The following LINGO1 variants were observed in gnomAD, a reference collection of about 807,000 sequenced individuals.
The protein encoded by LINGO1 is leucine-rich repeat and immunoglobulin-like domain-containing nogo receptor-interacting protein 1.
LINGO1 carries 11 observed loss-of-function variants against 37.3 expected under a neutral mutation model. The observed-to-expected ratio is 0.29, with a 90% CI of 0.19 to 0.49. The LOEUF (loss-of-function observed/expected upper bound fraction) is 0.49. LINGO1 is among the 20% of genes least tolerant of loss of function. LINGO1 has a pLI of 0.99. For synonymous variants in LINGO1, 387 were observed against 403.0 expected, an observed-to-expected ratio of 0.96 and a Z score of 0.48; for missense variants, 585 against 878.2, an observed-to-expected ratio of 0.67 and a Z score of 4.22.
intron 2 of LINGO1, among the ~76,000 whole-genome samples, chr15:77,728,103 C>A (rs577188988): frequency 5.3e-5 from 8 of 152,366 alleles, no homozygotes; most frequent in Admixed American, 2.6e-4. Flanking sequence ...TCTCCTCCCC[C>A]AGTCCAGGCC....
At chr15:77,695,258 A>AAG (rs1025644886) in intron 1 of LINGO1, among the ~76,000 whole-genome samples, 5 of 152,146 alleles carry the variant, frequency 3.3e-5, no homozygotes, top group Non-Finnish European at 7.4e-5. Context: ...AGGCAGTTCG[A>AAG]AGAGGCAGCC....
chr15:77,698,917 C>T (rs1237600957), upstream of LINGO1, among the ~76,000 whole-genome samples: 9 of 152,124 alleles, frequency 5.9e-5, no homozygotes, highest in Admixed American at 5.9e-4. Context: ...GGCCCCTGGA[C>T]TGCCCTAGTG....
chr15:77,759,468 C>T (rs1451165741), intron 1 of LINGO1, among the ~76,000 whole-genome samples: 1 of 152,190 alleles, frequency 6.6e-6, no homozygotes, highest in Admixed American at 6.5e-5. Context: ...TCTCAGTTTC[C>T]CCACCTGAAA....
chr15:77,671,647 G>A (rs945183525), intron 3 of LINGO1, among the ~76,000 whole-genome samples: 1 of 152,198 alleles, frequency 6.6e-6, no homozygotes, highest in Non-Finnish European at 1.5e-5. Context: ...GGGGAGCAGC[G>A]GTGGGCAGGA....
chr15:77,757,949 A>G (rs924918500), intron 1 of LINGO1, among the ~76,000 whole-genome samples: 5 of 152,216 alleles, frequency 3.3e-5, no homozygotes, highest in Admixed American at 2.6e-4. Context: ...CCATAATAAT[A>G]TATGAAGAAC....
In LINGO1 at chr15:77,719,709, T is replaced by C. The variant is rs533948061; in HGVS notation, c.-195+15283A>G. Reference sequence around the variant, plus strand: ...ACACACACACATGCTCTCATACATATGTGTACTCACATTCACGCACATATA... The same window carrying C: ...ACACACACACATGCTCTCATACATACGTGTACTCACATTCACGCACATATA... On this transcript the variant is annotated intron_variant, in intron 2 of 3. Coordinates refer to the LINGO1 transcript ENST00000561686. 2.0e-5 allele frequency among the ~76,000 whole-genome samples: 3 copies of C among 150,034 alleles called. No homozygotes were observed. The South Asian group carries it at 6.5e-4, about 32-fold the overall frequency.
At chr15:77,653,851 C>G (rs1035173773) in intron 3 of LINGO1, among the ~76,000 whole-genome samples, 1 of 152,170 alleles carries the variant, frequency 6.6e-6, no homozygotes, top group African/African-American at 2.4e-5. Flanking sequence ...TATTAGGTAC[C>G]TTCTGTGTGC....
chr15:77,715,256 G>A (rs2075970118), intron 2 of LINGO1, among the ~76,000 whole-genome samples: 1 of 152,204 alleles, frequency 6.6e-6, no homozygotes, highest in Non-Finnish European at 1.5e-5. Flanking sequence ...ATCAGCGTGG[G>A]CCCAGCAGGC....
intron 1 of LINGO1, among the ~76,000 whole-genome samples, chr15:77,810,400 A>C (rs1230988941): frequency 1.3e-5 from 2 of 152,076 alleles, no homozygotes; most frequent in African/African-American, 4.8e-5. Flanking sequence ...GACAGCGAGG[A>C]GGGCAGACTC....
chr15:77,706,600 G>A (rs182067165), intron 2 of LINGO1, among the ~76,000 whole-genome samples: 1 of 152,304 alleles, frequency 6.6e-6, no homozygotes, highest in East Asian at 1.9e-4. Flanking sequence ...TCCAGGACAT[G>A]GAATGCTCTT....
At chr15:77,802,540 T>G (rs2076928464) in intron 1 of LINGO1, among the ~76,000 whole-genome samples, 1 of 152,096 alleles carries the variant, frequency 6.6e-6, no homozygotes, top group African/African-American at 2.4e-5. Context: ...CTCCCACTTA[T>G]GAGTCAATCA....
chr15:77,797,838 C>T (rs535397156), intron 1 of LINGO1, among the ~76,000 whole-genome samples: 1 of 152,352 alleles, frequency 6.6e-6, no homozygotes, highest in South Asian at 2.1e-4. Context: ...CAGGGTCCCT[C>T]CCAGAATCAA....
intron 3 of LINGO1, among the ~76,000 whole-genome samples, chr15:77,644,986 G>A (rs940276087): frequency 7.9e-5 from 12 of 152,314 alleles, no homozygotes; most frequent in South Asian, 2.1e-4. Flanking sequence ...AAACATGGGC[G>A]TTTACACTCA....
chr15:77,723,877 G>A (rs374283324), intron 2 of LINGO1, among the ~76,000 whole-genome samples: 5 of 152,198 alleles, frequency 3.3e-5, no homozygotes, highest in Admixed American at 6.5e-5. Flanking sequence ...GAGGTAAGTC[G>A]GGGCGCGGGG....
At chr15:77,669,304 G>A (rs1045332454) in intron 3 of LINGO1, among the ~76,000 whole-genome samples, 3 of 152,204 alleles carry the variant, frequency 2.0e-5, no homozygotes, top group African/African-American at 7.2e-5. Flanking sequence ...GCCCCTAGCT[G>A]AGGAAGAGCC....
chr15:77,632,501 C>T lies in LINGO1; in HGVS notation c.-186G>A, dbSNP rs1331083635. ...CTGTCCGCCCCGCGCGGGCGGGAGC[C>T]GAGCCGGAGCCGGGGCCGGGGCTCG... On this transcript the variant is annotated 5_prime_UTR_variant, in exon 1 of 2. Transcript: ENST00000355300. The surrounding 1 kb of genome is among the most constrained non-coding windows in gnomAD (Gnocchi z 6.0). The T allele has an allele frequency of 2.1e-6, 1 of 467,880 alleles. No individual in the cohort carries two copies. Among genetic ancestry groups the T allele is most frequent in the Non-Finnish European group, 3.3e-6 (1 of 306,764 alleles). 29.0% of individuals were successfully genotyped at this position (467,880 alleles called of 1,614,324 possible).
chr15:77,641,346 C>T (rs746950447), intron 3 of LINGO1, among the ~76,000 whole-genome samples: 8 of 152,158 alleles, frequency 5.3e-5, no homozygotes, highest in Non-Finnish European at 7.3e-5. Flanking sequence ...TGAACCATAA[C>T]GGTGCATGTA....
At chr15:77,747,622 C>T (rs1418441437) in intron 1 of LINGO1, among the ~76,000 whole-genome samples, 4 of 152,150 alleles carry the variant, frequency 2.6e-5, no homozygotes, top group African/African-American at 9.7e-5. Flanking sequence ...AAAACACTGA[C>T]CTGCCTGCAA....
At chr15:77,708,846 G>A (rs538683878) in intron 2 of LINGO1, among the ~76,000 whole-genome samples, 3 of 152,312 alleles carry the variant, frequency 2.0e-5, no homozygotes, top group Non-Finnish European at 2.9e-5. Flanking sequence ...CCCAGGAGGC[G>A]GAGGTTGCAG....
Sources: gnomAD v4.1 joint callset for allele counts (sites outside exome capture counted in the v4.1 genomes callset) on GRCh38, gnomAD v4.1.1 for gene constraint, Gnocchi (gnomAD v3.1) non-coding constraint, MANE v1.5 for transcripts, NCBI Gene and HGNC (gene_info 2026-07-23, HGNC 2026-07-21) for gene names.